The following BRSK2 variants were observed in gnomAD, a reference collection of about 807,000 sequenced individuals.
BRSK2 encodes serine/threonine-protein kinase BRSK2.
A neutral mutation model predicts 83.3 loss-of-function variants in BRSK2; 19 were observed. That is an observed-to-expected ratio of 0.23 (90% CI 0.16 to 0.33). The LOEUF (loss-of-function observed/expected upper bound fraction) is 0.33, where lower values mean the gene tolerates loss of function less well. Among genes scored for constraint, BRSK2 ranks in the 10% least tolerant of loss-of-function variants. BRSK2 has a pLI of 1.00. For missense variants in BRSK2, 798 were observed against 1,042.3 expected, an observed-to-expected ratio of 0.77 and a Z score of 3.23; for synonymous variants, 519 against 435.4, an observed-to-expected ratio of 1.19 and a Z score of -2.39.
intron 19 of BRSK2, 120 bp from the exon 20 acceptor site, chr11:1,460,380 T>C (rs28555282): frequency 0.56 from 509,863 of 911,622 alleles, 152,669 homozygotes; most frequent in African/African-American, 0.64. Flanking sequence ...CGTCGAGGCC[T>C]CTTCGTTCAT....
chr11:1,440,745 G>C (rs374534057), intron 3 of BRSK2, 43 bp from the exon 4 acceptor site: 2 of 1,535,556 alleles, frequency 1.3e-6, no homozygotes, highest in African/African-American at 2.7e-5. Context: ...GAGGGGCGGC[G>C]GGCAGCCACA....
rs1041575846 is a variant in BRSK2 at position 1,442,997 on chromosome 11, C to T, written c.531-109C>T. The T allele has an allele frequency of 1.5e-5, 19 of 1,280,146 alleles. No individual in the cohort carries two copies. The Middle Eastern group carries it at 1.2e-3, about 79-fold the overall frequency. 79.3% of individuals were successfully genotyped at this position (1,280,146 alleles called of 1,614,324 possible). On this transcript the variant is annotated intron_variant, in intron 5 of 19. Coordinates refer to ENST00000528841, the MANE Select transcript of BRSK2 (RefSeq NM_001256627.2). ...ATGCAGGGAATGTGGGGGCGTCTGG[C>T]ACCACAGCCCTGGAGGCCTCCTTGA... is the stretch of plus-strand genomic sequence containing the variant.
intron 12 of BRSK2, among the ~76,000 whole-genome samples, chr11:1,448,171 G>T (rs1423239160): frequency 6.6e-6 from 1 of 152,210 alleles, no homozygotes; most frequent in Non-Finnish European, 1.5e-5. Flanking sequence ...TGCTGTGTCC[G>T]GTGGGCCTCG....
chr11:1,444,860 C>T lies in BRSK2; in HGVS notation c.781-111C>T, dbSNP rs1448740958. 4.0e-6 allele frequency: 4 copies of T among 1,002,088 alleles called. No homozygotes were observed. The African/African-American group carries it at 6.3e-5, about 16-fold the overall frequency. 62.1% of individuals were successfully genotyped at this position (1,002,088 alleles called of 1,614,324 possible). A position where few individuals can be genotyped will look rare whatever the true frequency, so the allele number is the denominator to read the frequency against. Reference sequence around the variant, plus strand: ...CTTCCCCCCACTCACTTGCCCTCACCCTCTCCTGCTCTCTCCGTGCTCCCA... The same window carrying T: ...CTTCCCCCCACTCACTTGCCCTCACTCTCTCCTGCTCTCTCCGTGCTCCCA... On this transcript the variant is annotated intron_variant, in intron 8 of 19. Transcript: ENST00000528841.
In BRSK2 at chr11:1,450,574, C is replaced by T; in HGVS notation, c.1288-13C>T. On this transcript the variant is annotated splice_polypyrimidine_tract_variant and intron_variant, in intron 13 of 19. Transcript: ENST00000528841. Reference sequence around the variant, plus strand: ...GGATTGAACCAAACACCAAATCTGTCCCCACCATACAGGTGACCCCTCACC... The same window carrying T: ...GGATTGAACCAAACACCAAATCTGTTCCCACCATACAGGTGACCCCTCACC... The T allele has an allele frequency of 1.3e-6, 2 of 1,496,578 alleles. No homozygotes were observed. Among genetic ancestry groups the T allele is most frequent in the Non-Finnish European group, 1.8e-6 (2 of 1,099,474 alleles). The allele number at this position is 1,496,578 out of a possible 1,614,324, so 92.7% of individuals were successfully genotyped here.
intron 1 of BRSK2, among the ~76,000 whole-genome samples, chr11:1,434,389 A>G (rs1387192427): frequency 6.9e-6 from 1 of 145,618 alleles, no homozygotes; most frequent in Non-Finnish European, 1.5e-5. Flanking sequence ...CCCCTGTGAT[A>G]ATATGGGCCG....
At position 1,390,295 on chromosome 11, in the gene BRSK2, C is replaced by T. The variant is rs1213536325; in HGVS notation, c.11C>T (p.Thr4Met). The change falls in exon 1 of 20, where the codon ACG (threonine) becomes ATG (methionine). Residue 4 changes from threonine to methionine, a missense_variant. By Grantham distance (81) the Thr-to-Met change is moderately conservative. Around this residue, in one of 6 missense-constraint regions of BRSK2, gnomAD observed 33 missense variants for 30.8 expected, o/e 1.07. Transcript: ENST00000528841. This position sits in a 1 kb window ranked among gnomAD's most constrained non-coding sequence, Gnocchi z 6.8. MTS[T>M]GKDGGAQHAQ... ...CCGGGCCCCAGAGCGATGACATCGA[C>T]GGGGAAGGACGGCGGCGCGCAGCAC... 9.7e-7 allele frequency: 1 copy of T among 1,032,606 alleles called. No homozygotes were observed. The highest frequency in any genetic ancestry group is 1.2e-6 in the Non-Finnish European group (1 of 851,654). The allele number at this position is 1,032,606 out of a possible 1,614,324, so 64.0% of individuals were successfully genotyped here.
At chr11:1,435,185 T>G (rs1322829487) in intron 1 of BRSK2, among the ~76,000 whole-genome samples, 2 of 142,452 alleles carry the variant, frequency 1.4e-5, no homozygotes, top group Admixed American at 7.2e-5. Flanking sequence ...GGGCCGGGGC[T>G]CAGGTGCAGA....
rs372217144 is a variant in BRSK2 at position 1,434,041 on chromosome 11, C to T, written c.92-1999C>T. ...GGGCCGGGGGAATGGAGGTTTGACG[C>T]GTGAGACAAAGGATTAATTTCCCAA... On this transcript the variant is annotated intron_variant, in intron 1 of 19. Coordinates refer to ENST00000528841, the MANE Select transcript of BRSK2 (RefSeq NM_001256627.2). Among the ~76,000 whole-genome samples the T allele has an allele frequency of 1.2e-4, 19 of 152,328 alleles. No individual in the cohort carries two copies. The East Asian group carries it at 2.9e-3, about 23-fold the overall frequency.
In BRSK2 at chr11:1,447,856, G is replaced by C. The variant is rs760794575; in HGVS notation, c.1227-1920G>C. The C allele has an allele frequency of 3.5e-5, 56 of 1,596,616 alleles. No individual in the cohort carries two copies. In the East Asian group the frequency reaches 1.3e-3, roughly 36 times the overall value. ...TGAGGCCCATCCCCAATTCAGCAAA[G>C]AAGACAGGTATACACCCCGACCACC... is the stretch of plus-strand genomic sequence containing the variant. On this transcript the variant is annotated intron_variant, in intron 12 of 19. Coordinates refer to ENST00000528841, the MANE Select transcript of BRSK2 (RefSeq NM_001256627.2).
intron 1 of BRSK2, among the ~76,000 whole-genome samples, chr11:1,428,999 GGT>G (rs779249318): frequency 1.3e-5 from 2 of 148,590 alleles, no homozygotes; most frequent in African/African-American, 5.0e-5. Flanking sequence ...GTGTGTCCTG[GGT>G]GTGTGTGCAT....
chr11:1,454,411 C>G lies in BRSK2; in HGVS notation c.1545-74C>G, dbSNP rs1590681279. 1 of 1,570,424 alleles carries G rather than the reference C, an allele frequency of 6.4e-7. No homozygotes were observed. Among genetic ancestry groups the G allele is most frequent in the East Asian group, 2.3e-5 (1 of 44,438 alleles). On this transcript the variant is annotated intron_variant, in intron 15 of 19. Coordinates refer to ENST00000528841, the MANE Select transcript of BRSK2 (RefSeq NM_001256627.2). This position sits in a 1 kb window ranked among gnomAD's most constrained non-coding sequence, Gnocchi z 5.2. ...GATGGAAGATTCCGCCGTTCCAACC[C>G]CAGATTCGAGGGAGGCAGGGGTGTG...
At chr11:1,404,485 C>T (rs972200719) in intron 1 of BRSK2, among the ~76,000 whole-genome samples, 2 of 152,236 alleles carry the variant, frequency 1.3e-5, no homozygotes, top group African/African-American at 4.8e-5. Flanking sequence ...CCCCTCCGTC[C>T]CTGTCCCAGC....
intron 4 of BRSK2, among the ~76,000 whole-genome samples, chr11:1,441,693 T>C (rs1485598652): frequency 4.7e-4 from 2 of 4,234 alleles, no homozygotes; most frequent in Non-Finnish European, 7.3e-4. Flanking sequence ...TCAAGTGCAC[T>C]GTCCCCCCAT....
At chr11:1,420,970 C>T (rs1384362942) in intron 1 of BRSK2, among the ~76,000 whole-genome samples, 1 of 152,214 alleles carries the variant, frequency 6.6e-6, no homozygotes, top group Non-Finnish European at 1.5e-5. Context: ...AGGTCTCAAC[C>T]CTGGAGCCTG....
At chr11:1,403,616 C>T (rs75780309) in intron 1 of BRSK2, among the ~76,000 whole-genome samples, 25,691 of 152,234 alleles carry the variant, frequency 0.17, 2,853 homozygotes, top group Non-Finnish European at 0.25. Flanking sequence ...GACGGTGTGT[C>T]CTGAGCTCCC....
chr11:1,451,270 G>T lies in BRSK2; in HGVS notation c.1496-101G>T, dbSNP rs1242576970. 1.6e-5 allele frequency: 22 copies of T among 1,366,216 alleles called. No homozygotes were observed. The Middle Eastern group carries it at 5.4e-4, about 34-fold the overall frequency. 84.6% of individuals were successfully genotyped at this position (1,366,216 alleles called of 1,614,324 possible). A position where few individuals can be genotyped will look rare whatever the true frequency, so the allele number is the denominator to read the frequency against. ...TGGGGGGGCTGTCCCAGTGTGTGTGGGTGGACTCCTGATGACCCTGACCTC... is the reference window on the plus strand; with the variant it reads ...TGGGGGGGCTGTCCCAGTGTGTGTGTGTGGACTCCTGATGACCCTGACCTC... On this transcript the variant is annotated intron_variant, in intron 14 of 19. Coordinates refer to ENST00000528841, the MANE Select transcript of BRSK2 (RefSeq NM_001256627.2).
chr11:1,406,462 ACT>A (rs1483293149), intron 1 of BRSK2, among the ~76,000 whole-genome samples: 2 of 151,972 alleles, frequency 1.3e-5, no homozygotes, highest in Non-Finnish European at 2.9e-5. Context: ...ATAGAGCAAG[ACT>A]CTGTCTCAAT....
intron 1 of BRSK2, among the ~76,000 whole-genome samples, chr11:1,398,580 G>C (rs1436905570): frequency 1.3e-5 from 2 of 152,140 alleles, no homozygotes; most frequent in African/African-American, 4.8e-5. Context: ...GCAGCCCCTT[G>C]GTGCCATTAA....
Sources: allele counts gnomAD v4.1 joint callset (sites outside exome capture counted in the v4.1 genomes callset), GRCh38; gene constraint gnomAD v4.1.1; regional missense constraint gnomAD v4.1.1; non-coding constraint Gnocchi (gnomAD v3.1); transcripts MANE v1.5; gene names NCBI Gene and HGNC (gene_info 2026-07-23, HGNC 2026-07-21).